CFH: variants seen among roughly 807,000 people sequenced by gnomAD.
CFH encodes the protein complement factor H.
Under a neutral mutation model 147.3 loss-of-function variants are expected in CFH, and 53 were observed. The ratio of observed to expected loss-of-function variants is 0.36; its 90% CI spans 0.29 to 0.45. The LOEUF (loss-of-function observed/expected upper bound fraction) is 0.45, where lower values mean the gene tolerates loss of function less well. Among genes scored for constraint, CFH ranks in the 20% least tolerant of loss-of-function variants. The probability of loss-of-function intolerance (pLI) is 1.00; values close to 1 mark genes in which losing one functional copy is unlikely to be tolerated. For missense variants in CFH, 1,380 were observed against 1,498.0 expected, an observed-to-expected ratio of 0.92 and a Z score of 1.30; for synonymous variants, 536 against 489.4, an observed-to-expected ratio of 1.10 and a Z score of -1.26.
rs778710774 is a variant in CFH, at chr1:196,726,774, C to A, written c.2070C>A (p.Thr690=). ...AAATTTACATAGTGGAGGAGAGTAC[C>A]TGTGGAGATATACCTGAACTTGAAC... The part of the protein sequence containing the change: ...TLPVCIVEES[T]CGDIPELEHG... Residue 690 remains threonine (T), a synonymous_variant, in exon 14 of 22, where the codon ACC becomes ACA. Coordinates refer to ENST00000367429, the MANE Select transcript of CFH (RefSeq NM_000186.4). 3 of 1,613,526 alleles carry A rather than the reference C, an allele frequency of 1.9e-6. No individual in the cohort carries two copies. In the Admixed American group the frequency reaches 5.0e-5, roughly 27 times the overall value.
At chr1:196,697,391 A>G (rs1668309684) in intron 9 of CFH, among the ~76,000 whole-genome samples, 1 of 151,984 alleles carries the variant, frequency 6.6e-6, no homozygotes, top group Admixed American at 6.6e-5. Context: ...TGCAGCCAAA[A>G]GACACATGAA....
chr1:196,671,400 A>G (rs1019013374), intron 1 of CFH, among the ~76,000 whole-genome samples: 3 of 152,040 alleles, frequency 2.0e-5, no homozygotes, highest in African/African-American at 7.2e-5. Context: ...AAAAGTTTAT[A>G]TAACTTACTC....
intron 15 of CFH, among the ~76,000 whole-genome samples, chr1:196,729,118 A>C (rs533700738): frequency 6.6e-6 from 1 of 151,970 alleles, no homozygotes; most frequent in East Asian, 1.9e-4. Flanking sequence ...TTGCTATCCA[A>C]TTGTGGGTTT....
rs1295369924 is a variant in CFH at position 196,685,050 on chromosome 1, C to T, written c.791-14C>T. Reference sequence around the variant, plus strand: ...CTTATTTCTGCATTATCCATATATCCTTTTTCTTTTCAGAAAAATCATGTG... The same window carrying T: ...CTTATTTCTGCATTATCCATATATCTTTTTTCTTTTCAGAAAAATCATGTG... On this transcript the variant is annotated splice_polypyrimidine_tract_variant and intron_variant, in intron 6 of 21. Coordinates refer to ENST00000367429, the MANE Select transcript of CFH (RefSeq NM_000186.4). 2 of 1,573,966 alleles carry T rather than the reference C, an allele frequency of 1.3e-6. No individual in the cohort carries two copies. Among genetic ancestry groups the T allele is most frequent in the Admixed American group, 3.3e-5 (2 of 59,752 alleles).
intron 6 of CFH, among the ~76,000 whole-genome samples, chr1:196,682,145 T>C (rs1165012573): frequency 3.3e-5 from 5 of 151,756 alleles, no homozygotes; most frequent in African/African-American, 9.7e-5. Context: ...TAACAGAAAG[T>C]TATTTATAGA....
In CFH at chr1:196,716,284, T is replaced by C. The variant is rs138138472; in HGVS notation, c.1696+515T>C. Among the ~76,000 whole-genome samples the C allele has an allele frequency of 7.2e-4, 110 of 152,198 alleles. 1 individual carries two copies. Among genetic ancestry groups the C allele is most frequent in the African/African-American group, 2.5e-3 (105 of 41,540 alleles). On this transcript the variant is annotated intron_variant, in intron 11 of 21. Transcript: ENST00000367429. Reference sequence around the variant, plus strand: ...AGGATTGGCTCTGTGGGAAAACAAGTATATGCAGAGTGTTCCAAGGCAAAG... The same window carrying C: ...AGGATTGGCTCTGTGGGAAAACAAGCATATGCAGAGTGTTCCAAGGCAAAG...
intron 1 of CFH, among the ~76,000 whole-genome samples, chr1:196,671,798 C>T (rs990775946): frequency 4.7e-5 from 7 of 149,086 alleles, no homozygotes; most frequent in African/African-American, 7.4e-5. Flanking sequence ...TATATGTTTG[C>T]TTTTCTGCTG....
At position 196,740,770 on chromosome 1, in the gene CFH, G is replaced by A; in HGVS notation, c.2934G>A (p.Trp978Ter). The A allele has an allele frequency of 6.2e-7, 1 of 1,613,942 alleles. No individual in the cohort carries two copies. The highest frequency in any genetic ancestry group is 1.1e-5 in the South Asian group (1 of 91,070). The change falls in exon 18 of 22, where the codon TGG (tryptophan) becomes TGA (stop). Residue 978 changes from tryptophan to a stop codon, truncating the protein, a stop_gained. Transcript: ENST00000367429. LOFTEE classifies it high-confidence loss of function. ...PAIAKCLGEK[W>*]SHPPSCIKTD... ...TTGCAAAATGCTTAGGAGAAAAATG[G>A]TCTCACCCTCCATCATGCATAAGTA...
intron 17 of CFH, among the ~76,000 whole-genome samples, chr1:196,739,399 G>A (rs1006309993): frequency 4.6e-5 from 7 of 152,046 alleles, no homozygotes; most frequent in African/African-American, 1.4e-4. Context: ...TGAGCTCTTT[G>A]CCACTTAGAA....
intron 20 of CFH, 72 bp from the exon 21 acceptor site, chr1:196,745,745 C>G: frequency 6.3e-7 from 1 of 1,597,970 alleles, no homozygotes; most frequent in Admixed American, 1.7e-5. Context: ...GCTGTGTTTG[C>G]GTTTGCCTTA....
chr1:196,687,328 T>C (rs1667861913), intron 7 of CFH, among the ~76,000 whole-genome samples: 1 of 152,062 alleles, frequency 6.6e-6, no homozygotes, highest in Admixed American at 6.6e-5. Context: ...TGAGACTCTC[T>C]GTGGGTACTA....
chr1:196,656,686 GTTTT>G (rs563378238), intron 1 of CFH, among the ~76,000 whole-genome samples: 9 of 132,550 alleles, frequency 6.8e-5, no homozygotes, highest in Non-Finnish European at 1.3e-4. Context: ...TGTGTGTTGC[GTTTT>G]TTTTTTTTTT....
chr1:196,736,907 G>T lies in CFH; in HGVS notation c.2497G>T (p.Glu833Ter), dbSNP rs772817957. The T allele has an allele frequency of 6.2e-7, 1 of 1,610,602 alleles. No individual in the cohort carries two copies. The highest frequency in any genetic ancestry group is 1.3e-5 in the African/African-American group (1 of 74,768). ...MTTTLNYRDG[E>*]KVSVLCQENY... ...AACCACACTGAATTATCGGGATGGA[G>T]AAAAAGTATCTGTTCTTTGCCAAGA... Residue 833 changes from glutamate (E) to a stop codon, truncating the protein, a stop_gained, in exon 16 of 22, where the codon GAA (glutamate) becomes TAA (stop). Coordinates refer to ENST00000367429, the MANE Select transcript of CFH (RefSeq NM_000186.4). LOFTEE classifies it high-confidence loss of function.
chr1:196,657,257 G>A (rs951619058), intron 1 of CFH, among the ~76,000 whole-genome samples: 5 of 151,816 alleles, frequency 3.3e-5, no homozygotes, highest in Admixed American at 6.6e-5. Context: ...AGGTATATAT[G>A]TTACTTCTGA....
chr1:196,727,555 G>A (rs907159445), intron 14 of CFH, among the ~76,000 whole-genome samples: 4 of 151,970 alleles, frequency 2.6e-5, no homozygotes, highest in African/African-American at 4.8e-5. Context: ...TAATTACTGA[G>A]AAATTATAAC....
chr1:196,720,101 T>C (rs1668964538), intron 11 of CFH, among the ~76,000 whole-genome samples: 1 of 151,854 alleles, frequency 6.6e-6, no homozygotes, highest in South Asian at 2.1e-4. Context: ...ATTATAAACA[T>C]GATGAGACCA....
intron 6 of CFH, among the ~76,000 whole-genome samples, chr1:196,683,407 A>G (rs1421512144): frequency 6.6e-6 from 1 of 151,720 alleles, no homozygotes; most frequent in Non-Finnish European, 1.5e-5. Context: ...AACAAAATAG[A>G]GGTCAGAAAC....
chr1:196,716,121 C>T (rs1668865423), intron 11 of CFH, among the ~76,000 whole-genome samples: 1 of 152,072 alleles, frequency 6.6e-6, no homozygotes, highest in African/African-American at 2.4e-5. Context: ...TTCTACTTTA[C>T]ATCTTCTATC....
In CFH at chr1:196,713,853, T is replaced by C. The variant is rs1295307766; in HGVS notation, c.1455T>C (p.Asp485=). 3.7e-6 allele frequency: 6 copies of C among 1,612,738 alleles called. No homozygotes were observed. The highest frequency in any genetic ancestry group is 5.1e-6 in the Non-Finnish European group (6 of 1,179,242). Residue 485 remains aspartate, a synonymous_variant, in exon 10 of 22, where the codon GAT becomes GAC. Coordinates refer to ENST00000367429, the MANE Select transcript of CFH (RefSeq NM_000186.4). ...YQCKLGYVTA[D]GETSGSITCG... ...GCAAACTAGGATATGTAACAGCAGA[T>C]GGTGAAACATCAGGATCAATTACAT...
Sources: gnomAD v4.1 joint callset for allele counts (sites outside exome capture counted in the v4.1 genomes callset) on GRCh38, gnomAD v4.1.1 for gene constraint, MANE v1.5 for transcripts, NCBI Gene and HGNC (gene_info 2026-07-23, HGNC 2026-07-21) for gene names.